ADGRL2: variants seen among roughly 807,000 people sequenced by gnomAD.
ADGRL2 encodes the protein calcium-independent alpha-latrotoxin receptor 2.
Under a neutral mutation model 157.4 loss-of-function variants are expected in ADGRL2, and 44 were observed. The ratio of observed to expected loss-of-function variants is 0.28; its 90% CI spans 0.22 to 0.36. The LOEUF (loss-of-function observed/expected upper bound fraction) is 0.36, where lower values mean the gene tolerates loss of function less well. ADGRL2 is among the 10% of genes least tolerant of loss of function. The pLI is 1.00. For synonymous variants in ADGRL2, 585 were observed against 624.7 expected (o/e 0.94, Z 0.95); for missense variants, 1,510 against 1,768.9 (o/e 0.85, Z 2.63).
At chr1:81,430,642 T>C (rs562034604) in intron 1 of ADGRL2, among the ~76,000 whole-genome samples, 1 of 152,320 alleles carries the variant, frequency 6.6e-6, no homozygotes, top group East Asian at 1.9e-4. Context: ...AACATGTCCT[T>C]TCTTTTAAGA....
At position 81,447,863 on chromosome 1, in the gene ADGRL2, A is replaced by T. The variant is rs77587105; in HGVS notation, c.-248+2774A>T. On this transcript the variant is annotated intron_variant, in intron 2 of 24. Transcript: ENST00000370721. ...GGGCCTAGTGGGAAGTGATCTGATC[A>T]TGGGGGTAGATCCTCCATGAACGGT... 2.8e-4 allele frequency among the ~76,000 whole-genome samples: 42 copies of T among 152,220 alleles called. No homozygotes were observed. In the East Asian group the frequency reaches 6.8e-3, roughly 25 times the overall value.
Position 81,969,387 on chromosome 1 carries a change from G to A in ADGRL2, c.2733G>A (p.Ala911=), listed in dbSNP as rs142281401. 993 of 1,606,470 alleles carry A rather than the reference G, an allele frequency of 6.2e-4. No homozygotes were observed. Among genetic ancestry groups the A allele is most frequent in the Non-Finnish European group, 7.5e-4 (875 of 1,173,490 alleles). ...FLIGIDKTKY[A]IACPIFAGLL... ...TAGGCATTGATAAGACAAAATATGC[G>A]GTAAGCACCAGTTGAGTTCATTGAC... is the stretch of plus-strand genomic sequence containing the variant. The change falls in exon 15 of 24, where the codon GCG becomes GCA. Residue 911 remains alanine, a splice_region_variant and synonymous_variant. Coordinates refer to ENST00000686636, the MANE Select transcript of ADGRL2 (RefSeq NM_001366006.2).
At chr1:81,796,340 T>G (rs1267344479), upstream of ADGRL2, among the ~76,000 whole-genome samples, 3 of 152,184 alleles carry the variant, frequency 2.0e-5, no homozygotes, top group Non-Finnish European at 4.4e-5. Context: ...AGGTTATGAG[T>G]ATTTATGATG....
intron 3 of ADGRL2, among the ~76,000 whole-genome samples, chr1:81,936,041 T>G (rs2095305820): frequency 6.6e-6 from 1 of 151,940 alleles, no homozygotes. Flanking sequence ...ATAGGCACAT[T>G]GATCTATGAA....
intron 2 of ADGRL2, among the ~76,000 whole-genome samples, chr1:81,771,587 C>T (rs184579305): frequency 6.6e-6 from 1 of 152,126 alleles, no homozygotes; most frequent in Admixed American, 6.6e-5. Flanking sequence ...CATAAACCAA[C>T]CTTACTGTGT....
intron 2 of ADGRL2, among the ~76,000 whole-genome samples, chr1:81,525,470 A>G (rs1445318552): frequency 6.6e-6 from 1 of 152,136 alleles, no homozygotes. Context: ...GGCGTGTGCC[A>G]CCAAGCCCAG....
intron 3 of ADGRL2, among the ~76,000 whole-genome samples, chr1:81,621,511 A>T (rs1012267110): frequency 6.6e-6 from 1 of 152,208 alleles, no homozygotes; most frequent in African/African-American, 2.4e-5. Flanking sequence ...AGTGGTGCCT[A>T]AGGCCTCAGG....
At chr1:81,473,665 C>T in intron 2 of ADGRL2, among the ~76,000 whole-genome samples, 1 of 152,160 alleles carries the variant, frequency 6.6e-6, no homozygotes, top group South Asian at 2.1e-4. Flanking sequence ...TATCACCCGT[C>T]TCCAGGTTAA....
intron 1 of ADGRL2, among the ~76,000 whole-genome samples, chr1:81,824,379 A>G (rs1452486385): frequency 1.3e-5 from 2 of 152,132 alleles, no homozygotes; most frequent in African/African-American, 4.8e-5. Flanking sequence ...GGCTCAAGCG[A>G]TCCTTCCATC....
intron 2 of ADGRL2, among the ~76,000 whole-genome samples, chr1:81,552,605 G>GAAAAAA (rs35795177): frequency 3.8e-5 from 4 of 103,990 alleles, no homozygotes; most frequent in African/African-American, 1.1e-4. Flanking sequence ...ACTTTACTTA[G>GAAAAAA]AAAAAAAAAA....
chr1:81,594,637 G>A (rs554628744), intron 3 of ADGRL2, among the ~76,000 whole-genome samples: 1 of 152,262 alleles, frequency 6.6e-6, no homozygotes, highest in South Asian at 2.1e-4. Flanking sequence ...AACGTAGTTA[G>A]AATTCTCACA....
intron 1 of ADGRL2, among the ~76,000 whole-genome samples, chr1:81,720,884 G>A (rs1482000295): frequency 1.3e-5 from 2 of 149,644 alleles, no homozygotes; most frequent in Non-Finnish European, 1.5e-5. Context: ...ATATATTTAT[G>A]TTTATATATT....
rs1296572927 is a variant in ADGRL2, at chr1:81,930,418, TTTATC to T, written c.288-6306_288-6302del. ...TGCTTTACACATTTTTTTGAGAACA[TTTATC>T]TTAATTTCAAAAAATACTGTGGATG... On this transcript the variant is annotated intron_variant, in intron 3 of 23. Transcript: ENST00000686636. Among the ~76,000 whole-genome samples the T allele has an allele frequency of 3.9e-4, 59 of 152,272 alleles. 1 individual carries two copies. Among genetic ancestry groups the T allele is most frequent in the Non-Finnish European group, 2.2e-4 (15 of 68,016 alleles).
At chr1:81,523,019 G>A (rs548785453) in intron 2 of ADGRL2, among the ~76,000 whole-genome samples, 27 of 151,304 alleles carry the variant, frequency 1.8e-4, no homozygotes, top group Middle Eastern at 3.4e-3. Flanking sequence ...TTAAAGATAT[G>A]GCTTCTCAAT....
chr1:81,787,122 C>T (rs2087089271), intron 2 of ADGRL2, among the ~76,000 whole-genome samples: 1 of 152,102 alleles, frequency 6.6e-6, no homozygotes, highest in South Asian at 2.1e-4. Context: ...CCTTTCACCT[C>T]CCGCCATGAT....
chr1:81,874,113 G>A (rs2093768545), intron 2 of ADGRL2, among the ~76,000 whole-genome samples: 1 of 152,118 alleles, frequency 6.6e-6, no homozygotes. Flanking sequence ...TGGTTGGGTA[G>A]CTACTCCAAC....
intron 2 of ADGRL2, among the ~76,000 whole-genome samples, chr1:81,866,003 T>TA (rs929693865): frequency 2.6e-5 from 4 of 152,190 alleles, no homozygotes; most frequent in Non-Finnish European, 4.4e-5. Context: ...AATGTTTTGG[T>TA]AACTTACTGC....
chr1:81,477,632 C>T (rs1345883947), intron 2 of ADGRL2, among the ~76,000 whole-genome samples: 2 of 152,130 alleles, frequency 1.3e-5, no homozygotes, highest in African/African-American at 2.4e-5. Flanking sequence ...GATAGCTCTT[C>T]AGTAGTTAGT....
At chr1:81,571,817 C>T (rs1357719710) in intron 2 of ADGRL2, among the ~76,000 whole-genome samples, 2 of 151,946 alleles carry the variant, frequency 1.3e-5, no homozygotes, top group South Asian at 2.1e-4. Flanking sequence ...ATTCTCTAGA[C>T]CTTATATATT....
Sources: allele counts gnomAD v4.1 joint callset (sites outside exome capture counted in the v4.1 genomes callset), GRCh38; gene constraint gnomAD v4.1.1; transcripts MANE v1.5; gene names NCBI Gene and HGNC (gene_info 2026-07-23, HGNC 2026-07-21).